The following CAMTA1 variants were observed in gnomAD, a reference collection of about 807,000 sequenced individuals.
CAMTA1 encodes calmodulin-binding transcription activator 1.
In CAMTA1, 27 loss-of-function variants were observed where a neutral mutation model predicts 170.9. The ratio of observed to expected loss-of-function variants is 0.16; its 90% CI spans 0.12 to 0.22. CAMTA1 has a LOEUF of 0.22. Among genes scored for constraint, CAMTA1 ranks in the 10% least tolerant of loss-of-function variants. The pLI, the probability that CAMTA1 is intolerant of heterozygous loss-of-function variation, is 1.00. For missense variants in CAMTA1, 1,619 were observed against 2,217.2 expected, an observed-to-expected ratio of 0.73 and a Z score of 5.42; for synonymous variants, 833 against 891.5, an observed-to-expected ratio of 0.93 and a Z score of 1.17.
chr1:7,336,115 G>A (rs1463072287), intron 5 of CAMTA1, among the ~76,000 whole-genome samples: 2 of 152,182 alleles, frequency 1.3e-5, no homozygotes, highest in African/African-American at 4.8e-5. Context: ...CCTCTGCCTG[G>A]CCATGGCCTG....
chr1:6,893,205 C>A (rs1571443667), intron 3 of CAMTA1, among the ~76,000 whole-genome samples: 1 of 151,914 alleles, frequency 6.6e-6, no homozygotes, highest in South Asian at 2.1e-4. Flanking sequence ...AGGTTGCAGT[C>A]AGCCGAGATC....
chr1:7,552,329 A>G (rs1171264524), intron 6 of CAMTA1, among the ~76,000 whole-genome samples: 1 of 152,244 alleles, frequency 6.6e-6, no homozygotes, highest in African/African-American at 2.4e-5. Flanking sequence ...AAGGTGCCGT[A>G]AAGTGTGATG....
intron 4 of CAMTA1, among the ~76,000 whole-genome samples, chr1:7,105,438 A>G (rs1029961828): frequency 6.6e-6 from 1 of 152,180 alleles, no homozygotes; most frequent in Non-Finnish European, 1.5e-5. Flanking sequence ...TCTGCTGGGA[A>G]CTTCCCATGA....
chr1:7,077,022 T>C (rs985575277), intron 3 of CAMTA1, among the ~76,000 whole-genome samples: 5 of 152,246 alleles, frequency 3.3e-5, no homozygotes, highest in Admixed American at 3.3e-4. Context: ...TCAAACACTA[T>C]TGAAATCCAA....
In CAMTA1 at chr1:7,417,895, G is replaced by A. The variant is rs527958642; in HGVS notation, c.439-49935G>A. Reference sequence around the variant, plus strand: ...ACGCTGGGAGCTATAGACCCGAGCTGTTCCTATTTGGCCATCTTAGCTCCA... The same window carrying A: ...ACGCTGGGAGCTATAGACCCGAGCTATTCCTATTTGGCCATCTTAGCTCCA... On this transcript the variant is annotated intron_variant, in intron 5 of 22. Transcript: ENST00000303635. Among the ~76,000 whole-genome samples, 20 of 152,234 alleles carry A rather than the reference G, an allele frequency of 1.3e-4. No homozygotes were observed. The South Asian group carries it at 4.1e-3, about 32-fold the overall frequency.
intron 5 of CAMTA1, among the ~76,000 whole-genome samples, chr1:7,458,046 C>T (rs116073685): frequency 0.092 from 14,028 of 152,214 alleles, 717 homozygotes; most frequent in Middle Eastern, 0.18. Flanking sequence ...TGGCTGTTTC[C>T]CTCACCAGCT....
At chr1:7,069,689 T>C (rs1638344511) in intron 3 of CAMTA1, among the ~76,000 whole-genome samples, 1 of 151,960 alleles carries the variant, frequency 6.6e-6, no homozygotes, top group African/African-American at 2.4e-5. Context: ...TGCTGTGGCC[T>C]CTGAGAGTGG....
chr1:7,102,946 T>C (rs1642916134), intron 4 of CAMTA1, among the ~76,000 whole-genome samples: 1 of 152,208 alleles, frequency 6.6e-6, no homozygotes, highest in Non-Finnish European at 1.5e-5. Context: ...CTGCTTCCTG[T>C]GTGCCAGGCA....
At chr1:6,844,503 C>T (rs1391553916) in intron 3 of CAMTA1, among the ~76,000 whole-genome samples, 1 of 71,548 alleles carries the variant, frequency 1.4e-5, no homozygotes, top group Admixed American at 1.9e-4. Flanking sequence ...AAAACCATTG[C>T]ATTACAAAAA....
At chr1:7,112,217 A>G (rs1644103713) in intron 4 of CAMTA1, among the ~76,000 whole-genome samples, 1 of 152,178 alleles carries the variant, frequency 6.6e-6, no homozygotes, top group Non-Finnish European at 1.5e-5. Flanking sequence ...GTCACCTCTC[A>G]CATTGGGCTT....
chr1:7,028,333 G>A (rs1342700012), intron 3 of CAMTA1, among the ~76,000 whole-genome samples: 1 of 152,218 alleles, frequency 6.6e-6, no homozygotes. Flanking sequence ...ATTAGTGTCA[G>A]TGAGTCTCTG....
rs529486011 is a variant in CAMTA1, at chr1:7,620,202, C to T, written c.511-20198C>T. 6.6e-4 allele frequency among the ~76,000 whole-genome samples: 101 copies of T among 152,276 alleles called. 1 individual carries two copies. Among genetic ancestry groups the T allele is most frequent in the African/African-American group, 2.4e-3 (99 of 41,554 alleles). ...TTCTCAAACAGGGGTGATTTTACTCCCCAAGGACATTTGGCAATGTCTGAA... is the reference window on the plus strand; with the variant it reads ...TTCTCAAACAGGGGTGATTTTACTCTCCAAGGACATTTGGCAATGTCTGAA... On this transcript the variant is annotated intron_variant, in intron 6 of 22. Transcript: ENST00000303635.
intron 6 of CAMTA1, among the ~76,000 whole-genome samples, chr1:7,558,346 G>C (rs528783951): frequency 2.0e-5 from 3 of 152,326 alleles, no homozygotes; most frequent in African/African-American, 7.2e-5. Context: ...AGGCCGCCAG[G>C]GTTGAAGGCG....
chr1:7,090,385 C>G (rs1270012266), intron 3 of CAMTA1, among the ~76,000 whole-genome samples: 1 of 152,164 alleles, frequency 6.6e-6, no homozygotes, highest in Non-Finnish European at 1.5e-5. Flanking sequence ...GTGGAGGCCT[C>G]CCCTCTGAAT....
In CAMTA1 at chr1:7,634,906, C is replaced by T. The variant is rs944952152; in HGVS notation, c.511-5494C>T. ...TGCAGCAGCCCCAGTGAGAAAGAGG[C>T]GCAGCTTCCATGCTTATGGGTGAGG... On this transcript the variant is annotated intron_variant, in intron 6 of 22. Transcript: ENST00000303635. This position sits in a 1 kb window ranked among gnomAD's most constrained non-coding sequence, Gnocchi z 6.2. Among the ~76,000 whole-genome samples, 1 of 152,142 alleles carries T rather than the reference C, an allele frequency of 6.6e-6. No homozygotes were observed. Among genetic ancestry groups the T allele is most frequent in the Admixed American group, 6.5e-5 (1 of 15,280 alleles).
chr1:7,735,341 C>A (rs1436107225), intron 12 of CAMTA1, among the ~76,000 whole-genome samples: 1 of 149,098 alleles, frequency 6.7e-6, no homozygotes, highest in Admixed American at 6.8e-5. Context: ...GCTAAAAATA[C>A]AAAAATTAGC....
rs897772738 is a variant in CAMTA1, at chr1:7,435,826, C to T, written c.439-32004C>T. On this transcript the variant is annotated intron_variant, in intron 5 of 22. Coordinates refer to ENST00000303635, the MANE Select transcript of CAMTA1 (RefSeq NM_015215.4). This position sits in a 1 kb window ranked among gnomAD's most constrained non-coding sequence, Gnocchi z 4.4. The stretch of plus-strand genomic sequence containing the variant: ...CGGCTCAGGGAGCCACCCTCCCATT[C>T]CTGCACCCTTGCCTTCTGGCAGGGC... Among the ~76,000 whole-genome samples, 4 of 152,210 alleles carry T rather than the reference C, an allele frequency of 2.6e-5. No individual in the cohort carries two copies. Among genetic ancestry groups the T allele is most frequent in the Non-Finnish European group, 4.4e-5 (3 of 68,020 alleles).
chr1:7,055,174 G>C (rs1227466906), intron 3 of CAMTA1, among the ~76,000 whole-genome samples: 2 of 152,164 alleles, frequency 1.3e-5, no homozygotes. Flanking sequence ...TGAAATTTGG[G>C]TGGAGACACA....
At chr1:6,984,484 C>T (rs1034404337) in intron 3 of CAMTA1, among the ~76,000 whole-genome samples, 1 of 151,890 alleles carries the variant, frequency 6.6e-6, no homozygotes, top group Non-Finnish European at 1.5e-5. Context: ...TGGGGTGGTG[C>T]GGGGCTGAAA....
Sources: allele counts gnomAD v4.1 joint callset (sites outside exome capture counted in the v4.1 genomes callset), GRCh38; gene constraint gnomAD v4.1.1; non-coding constraint Gnocchi (gnomAD v3.1); transcripts MANE v1.5; gene names NCBI Gene and HGNC (gene_info 2026-07-23, HGNC 2026-07-21).